The following SLC43A2 variants were observed in gnomAD, a reference collection of about 807,000 sequenced individuals.
The protein encoded by SLC43A2 is large neutral amino acids transporter small subunit 4.
A neutral mutation model predicts 63.2 loss-of-function variants in SLC43A2; 38 were observed. That is an observed-to-expected ratio of 0.60 (90% CI 0.46 to 0.79). The LOEUF is 0.79. Ranked by LOEUF, SLC43A2 falls within the 30% of genes least tolerant of loss-of-function variation. SLC43A2 has a pLI of 0.00. For missense variants in SLC43A2, 644 were observed against 756.2 expected, an observed-to-expected ratio of 0.85 and a Z score of 1.74; for synonymous variants, 322 against 331.0, an observed-to-expected ratio of 0.97 and a Z score of 0.30.
In SLC43A2 at chr17:1,593,235, C is replaced by T. The variant is rs1567624032; in HGVS notation, c.546G>A (p.Leu182=). ...FGDLRSTFIA[L]MIGSYASSAV... ...CCGAGGAGGCGTAGGACCCAATCATCAAGGCAATAAACGTGGACCGAAGGT... is the reference window on the plus strand; with the variant it reads ...CCGAGGAGGCGTAGGACCCAATCATTAAGGCAATAAACGTGGACCGAAGGT... Residue 182 remains leucine (L), a synonymous_variant, in exon 6 of 14, where the codon TTG becomes TTA. Coordinates refer to ENST00000301335, the MANE Select transcript of SLC43A2 (RefSeq NM_152346.3). This position sits in a 1 kb window ranked among gnomAD's most constrained non-coding sequence, Gnocchi z 5.3. The T allele has an allele frequency of 1.2e-6, 2 of 1,614,086 alleles. No homozygotes were observed. Among genetic ancestry groups the T allele is most frequent in the Non-Finnish European group, 1.7e-6 (2 of 1,179,998 alleles).
intron 5 of SLC43A2, among the ~76,000 whole-genome samples, chr17:1,594,651 T>A (rs12946736): frequency 3.7e-5 from 5 of 136,248 alleles, no homozygotes; most frequent in South Asian, 5.0e-4. Context: ...GCAGTGGCTC[T>A]ATCTCGGCTC....
chr17:1,590,763 C>T (rs1339160061), intron 9 of SLC43A2, 39 bp downstream of exon 9: 9 of 1,548,236 alleles, frequency 5.8e-6, no homozygotes, highest in African/African-American at 4.1e-5. Flanking sequence ...GGGCTCAGGC[C>T]GGGGAGTGAC....
At chr17:1,576,563 C>G (rs762317755) in intron 13 of SLC43A2, 34 bp downstream of exon 13, 1 of 1,572,650 alleles carries the variant, frequency 6.4e-7, no homozygotes, top group South Asian at 1.1e-5. Context: ...AGGGGGCAGG[C>G]GCCCATGACC....
intron 11 of SLC43A2, among the ~76,000 whole-genome samples, chr17:1,582,813 A>G (rs1276461845): frequency 6.6e-6 from 1 of 152,186 alleles, no homozygotes; most frequent in Non-Finnish European, 1.5e-5. Flanking sequence ...ACGGTGCCTC[A>G]CACCTGTAAA....
intron 2 of SLC43A2, among the ~76,000 whole-genome samples, chr17:1,619,138 C>G (rs1042169464): frequency 6.6e-6 from 1 of 152,052 alleles, no homozygotes; most frequent in African/African-American, 2.4e-5. Context: ...AACCCCATCT[C>G]TACTAAAAAT....
intron 11 of SLC43A2, among the ~76,000 whole-genome samples, chr17:1,580,837 C>A (rs1298680714): frequency 6.6e-6 from 1 of 151,576 alleles, no homozygotes; most frequent in Non-Finnish European, 1.5e-5. Context: ...GTGCAGTGAG[C>A]CGAGATTCTC....
intron 2 of SLC43A2, among the ~76,000 whole-genome samples, chr17:1,619,298 T>C (rs1907946727): frequency 6.6e-6 from 1 of 151,984 alleles, no homozygotes; most frequent in Non-Finnish European, 1.5e-5. Flanking sequence ...TGAGACCCCG[T>C]CTCGAAAAAC....
In SLC43A2 at chr17:1,593,126, G is replaced by A; in HGVS notation, c.594+61C>T. ...CCACAATTGCCTCCCTCTTCAGAGAGGGTGGAAGGAGCCTGGAGCAGGCCT... is the reference window on the plus strand; with the variant it reads ...CCACAATTGCCTCCCTCTTCAGAGAAGGTGGAAGGAGCCTGGAGCAGGCCT... On this transcript the variant is annotated intron_variant, in intron 6 of 13. Coordinates refer to ENST00000301335, the MANE Select transcript of SLC43A2 (RefSeq NM_152346.3). The surrounding 1 kb of genome is among the most constrained non-coding windows in gnomAD (Gnocchi z 5.3). 1 of 1,525,986 alleles carries A rather than the reference G, an allele frequency of 6.6e-7. No homozygotes were observed. Among genetic ancestry groups the A allele is most frequent in the Non-Finnish European group, 9.0e-7 (1 of 1,112,248 alleles). The allele number at this position is 1,525,986 out of a possible 1,614,324, so 94.5% of individuals were successfully genotyped here. A position where few individuals can be genotyped will look rare whatever the true frequency, so the allele number is the denominator to read the frequency against.
At chr17:1,618,043 C>T (rs769243737) in intron 2 of SLC43A2, among the ~76,000 whole-genome samples, 21 of 152,236 alleles carry the variant, frequency 1.4e-4, no homozygotes, top group Non-Finnish European at 4.4e-5. Flanking sequence ...AACTGCCTGC[C>T]TTCCAATTGC....
Position 1,593,055 on chromosome 17 carries a change from G to T in SLC43A2, c.594+132C>A. 2 of 779,178 alleles carry T rather than the reference G, an allele frequency of 2.6e-6. No individual in the cohort carries two copies. The highest frequency in any genetic ancestry group is 1.7e-5 in the African/African-American group (1 of 58,100). 48.3% of individuals were successfully genotyped at this position (779,178 alleles called of 1,614,324 possible). A position where few individuals can be genotyped will look rare whatever the true frequency, so the allele number is the denominator to read the frequency against. The stretch of plus-strand genomic sequence containing the variant: ...TTTGTCGCCCCTGTGATGCCCAGGT[G>T]CATCCTGCCCGGGTGGGGGTGGTGG... On this transcript the variant is annotated intron_variant, in intron 6 of 13. Coordinates refer to ENST00000301335, the MANE Select transcript of SLC43A2 (RefSeq NM_152346.3). The surrounding 1 kb of genome is among the most constrained non-coding windows in gnomAD (Gnocchi z 5.3).
intron 3 of SLC43A2, among the ~76,000 whole-genome samples, chr17:1,615,654 T>C (rs1034828639): frequency 1.4e-3 from 213 of 149,524 alleles, no homozygotes; most frequent in African/African-American, 4.0e-3. Flanking sequence ...CCATCCTGGC[T>C]AACACAGTGA....
At position 1,571,538 on chromosome 17, in the gene SLC43A2, T is replaced by G. The variant is rs1311083433; in HGVS notation, c.*4066A>C. On this transcript the variant is annotated 3_prime_UTR_variant, in exon 14 of 14. Transcript: ENST00000301335. The surrounding 1 kb of genome is among the most constrained non-coding windows in gnomAD (Gnocchi z 5.2). ...TCCACTTGGCTGAACGTGATTGTGC[T>G]GCTGTCTGGGACAGTCTTATGCACG... 1 of 152,278 alleles carries G rather than the reference T, an allele frequency of 6.6e-6. No individual in the cohort carries two copies. Among genetic ancestry groups the G allele is most frequent in the Non-Finnish European group, 1.5e-5 (1 of 68,060 alleles). 9.4% of individuals were successfully genotyped at this position (152,278 alleles called of 1,614,324 possible).
At chr17:1,582,821 A>C (rs893475461) in intron 11 of SLC43A2, among the ~76,000 whole-genome samples, 3 of 152,170 alleles carry the variant, frequency 2.0e-5, no homozygotes, top group Admixed American at 2.0e-4. Flanking sequence ...TCACACCTGT[A>C]AAATCCCAGC....
intron 3 of SLC43A2, among the ~76,000 whole-genome samples, chr17:1,615,554 G>A (rs977934464): frequency 1.5e-4 from 23 of 149,014 alleles, no homozygotes; most frequent in Non-Finnish European, 3.0e-4. Context: ...AAAAAAGAAT[G>A]GCATAGGGGC....
At chr17:1,604,706 GCTC>G in intron 5 of SLC43A2, 1 of 1,533,184 alleles carries the variant, frequency 6.5e-7, no homozygotes, top group Non-Finnish European at 8.7e-7. Flanking sequence ...TCCTTCTGAA[GCTC>G]CTTTTAGACC....
rs755469126 is a variant in SLC43A2 at position 1,583,185 on chromosome 17, T to TC, written c.1350+18dup. 6.2e-7 allele frequency: 1 copy of TC among 1,610,664 alleles called. No homozygotes were observed. The highest frequency in any genetic ancestry group is 8.5e-7 in the Non-Finnish European group (1 of 1,177,374). ...GACTGCCCCACCTCCCACCTGCCCC[T>TC]CCCACTCCCCACACCCACCTGGAGA... On this transcript the variant is annotated intron_variant, in intron 11 of 13. Transcript: ENST00000301335. The surrounding 1 kb of genome is among the most constrained non-coding windows in gnomAD (Gnocchi z 5.5).
At chr17:1,600,600 CTGGAGTGCAA>C (rs1334431006) in intron 5 of SLC43A2, among the ~76,000 whole-genome samples, 1 of 122,826 alleles carries the variant, frequency 8.1e-6, no homozygotes, top group African/African-American at 3.2e-5. Context: ...GTCATCCAGG[CTGGAGTGCAA>C]TGGTACGATT....
intron 3 of SLC43A2, among the ~76,000 whole-genome samples, chr17:1,615,780 T>C (rs1427183630): frequency 2.0e-5 from 3 of 146,902 alleles, no homozygotes; most frequent in South Asian, 2.2e-4. Context: ...GAGGCGGAGC[T>C]CGCAGTGAGC....
In SLC43A2 at chr17:1,570,625, T is replaced by C. The variant is rs1208989051; in HGVS notation, c.*4979A>G. Reference sequence around the variant, plus strand: ...CCTCAGCCTCCCAAGTAGCTGGGACTACAGGCGCCCGCCACTACGCCCGGC... The same window carrying C: ...CCTCAGCCTCCCAAGTAGCTGGGACCACAGGCGCCCGCCACTACGCCCGGC... On this transcript the variant is annotated 3_prime_UTR_variant, in exon 14 of 14. Coordinates refer to ENST00000301335, the MANE Select transcript of SLC43A2 (RefSeq NM_152346.3). 2.7e-5 allele frequency: 4 copies of C among 149,948 alleles called. No homozygotes were observed. The highest frequency in any genetic ancestry group is 2.0e-4 in the East Asian group (1 of 5,106). The allele number at this position is 149,948 out of a possible 1,614,324, so 9.3% of individuals were successfully genotyped here.
Sources: gnomAD v4.1 joint callset for allele counts (sites outside exome capture counted in the v4.1 genomes callset) on GRCh38, gnomAD v4.1.1 for gene constraint, Gnocchi (gnomAD v3.1) non-coding constraint, MANE v1.5 for transcripts, NCBI Gene and HGNC (gene_info 2026-07-23, HGNC 2026-07-21) for gene names.